Variants in FRYL observed in about 807,000 individuals in gnomAD.
FRYL encodes the protein protein furry homolog-like.
In FRYL, 150 loss-of-function variants were observed where a neutral mutation model predicts 351.2. The ratio of observed to expected loss-of-function variants is 0.43; its 90% CI spans 0.37 to 0.49. FRYL has a LOEUF of 0.49. Ranked by LOEUF, FRYL falls within the 20% of genes least tolerant of loss-of-function variation. FRYL has a pLI of 0.00. For synonymous variants in FRYL, 1,153 were observed against 1,257.1 expected (o/e 0.92, Z 1.75); for missense variants, 3,036 against 3,619.3 (o/e 0.84, Z 4.13).
chr4:48,567,179 C>A lies in FRYL; in HGVS notation c.3169+69G>T. 3 of 1,310,654 alleles carry A rather than the reference C, an allele frequency of 2.3e-6. No individual in the cohort carries two copies. Among genetic ancestry groups the A allele is most frequent in the Non-Finnish European group, 3.2e-6 (3 of 951,078 alleles). The allele number at this position is 1,310,654 out of a possible 1,614,324, so 81.2% of individuals were successfully genotyped here. On this transcript the variant is annotated intron_variant, in intron 28 of 63. Coordinates refer to ENST00000358350, the MANE Select transcript of FRYL (RefSeq NM_015030.2). The surrounding 1 kb of genome is among the most constrained non-coding windows in gnomAD (Gnocchi z 4.2). ...TACTTTATCAACTTAGATTATTAAA[C>A]CTCAAGGAAAGAAAAAATATGACGG...
rs1718982790 is a variant in FRYL, at chr4:48,499,013, G to A, written c.*409C>T. The A allele has an allele frequency of 5.4e-6, 1 of 186,540 alleles. No homozygotes were observed. Among genetic ancestry groups the A allele is most frequent in the Non-Finnish European group, 1.1e-5 (1 of 89,022 alleles). The allele number at this position is 186,540 out of a possible 1,614,324, so 11.6% of individuals were successfully genotyped here. A position where few individuals can be genotyped will look rare whatever the true frequency, so the allele number is the denominator to read the frequency against. ...AACTGCTAGAAATCCAAGCAGCTTT[G>A]CAGGTCTTCAGCTAAAATGAAACAG... On this transcript the variant is annotated 3_prime_UTR_variant, in exon 64 of 64. Transcript: ENST00000358350.
intron 16 of FRYL, among the ~76,000 whole-genome samples, chr4:48,592,116 T>TATATATATATATA (rs1553942046): frequency 1.2e-5 from 1 of 84,332 alleles, no homozygotes; most frequent in Non-Finnish European, 2.3e-5. Flanking sequence ...ATATATATAT[T>TATATATATATATA]TTATCTAAGT....
chr4:48,754,626 A>G (rs1209675921), intron 1 of FRYL, among the ~76,000 whole-genome samples: 1 of 148,908 alleles, frequency 6.7e-6, no homozygotes, highest in East Asian at 2.0e-4. Context: ...CAATTTCTCC[A>G]TATCTTCATT....
At chr4:48,707,268 C>A (rs999104531) in intron 2 of FRYL, among the ~76,000 whole-genome samples, 1 of 151,534 alleles carries the variant, frequency 6.6e-6, no homozygotes, top group Admixed American at 6.6e-5. Flanking sequence ...TGAGTATATA[C>A]CCAAGGAAAA....
chr4:48,582,596 G>C lies in FRYL; in HGVS notation c.1887C>G (p.Val629=), dbSNP rs752078196. The stretch of plus-strand genomic sequence containing the variant: ...CGGCATTATCAAGAAGTGTGGGATG[G>C]ACATCAGTCACTTCACGAACAATAA... The part of the protein sequence containing the change: ...VYFIVREVTD[V]HPTLLDNAVK... Residue 629 remains valine (V), a synonymous_variant, in exon 20 of 64, where the codon GTC becomes GTG. Coordinates refer to ENST00000358350, the MANE Select transcript of FRYL (RefSeq NM_015030.2). The C allele has an allele frequency of 1.9e-6, 3 of 1,613,602 alleles. No individual in the cohort carries two copies. The highest frequency in any genetic ancestry group is 2.5e-6 in the Non-Finnish European group (3 of 1,179,722).
At chr4:48,708,937 T>TTTTTTA (rs1268129988) in intron 2 of FRYL, among the ~76,000 whole-genome samples, 1 of 151,606 alleles carries the variant, frequency 6.6e-6, no homozygotes, top group Non-Finnish European at 1.5e-5. Context: ...TTGTTTTTTT[T>TTTTTTA]TTTGAGATGG....
chr4:48,693,845 G>A (rs551834882), intron 2 of FRYL, among the ~76,000 whole-genome samples: 1 of 152,258 alleles, frequency 6.6e-6, no homozygotes, highest in East Asian at 1.9e-4. Flanking sequence ...GCCTCTGTAT[G>A]TGCCCACATG....
chr4:48,603,241 A>C (rs760959368), intron 12 of FRYL, 49 bp downstream of exon 12: 29 of 1,183,832 alleles, frequency 2.4e-5, no homozygotes, highest in South Asian at 2.2e-4. Context: ...TAAATCAATT[A>C]CTAAAAATCC....
At chr4:48,573,154 T>G in intron 26 of FRYL, 32 bp downstream of exon 26, 1 of 1,531,572 alleles carries the variant, frequency 6.5e-7, no homozygotes, top group South Asian at 1.1e-5. Context: ...AAATGAATGT[T>G]CACTAATACA....
intron 20 of FRYL, among the ~76,000 whole-genome samples, chr4:48,582,069 G>T (rs1741064924): frequency 6.6e-6 from 1 of 152,144 alleles, no homozygotes; most frequent in South Asian, 2.1e-4. Flanking sequence ...AAGGTTCTAT[G>T]ATTTACACAT....
chr4:48,668,784 C>T (rs1456982644), intron 3 of FRYL, among the ~76,000 whole-genome samples: 3 of 152,202 alleles, frequency 2.0e-5, no homozygotes, highest in African/African-American at 7.2e-5. Context: ...TTCCACTCCC[C>T]TTGTAGATTC....
At chr4:48,769,942 C>G (rs1454443269) in intron 1 of FRYL, among the ~76,000 whole-genome samples, 1 of 152,126 alleles carries the variant, frequency 6.6e-6, no homozygotes, top group Non-Finnish European at 1.5e-5. Flanking sequence ...TTGAGCTTCA[C>G]GAGGGAGTTT....
intron 27 of FRYL, 111 bp downstream of exon 27, chr4:48,570,716 G>C (rs891183295): frequency 4.1e-6 from 3 of 724,698 alleles, no homozygotes; most frequent in Non-Finnish European, 7.2e-6. Flanking sequence ...GATACATACA[G>C]GTTTTCTTGT....
At chr4:48,661,551 T>C (rs1308509779) in intron 3 of FRYL, among the ~76,000 whole-genome samples, 1 of 152,204 alleles carries the variant, frequency 6.6e-6, no homozygotes, top group Non-Finnish European at 1.5e-5. Context: ...TAAGCACTCC[T>C]TAAAGTAGTT....
intron 35 of FRYL, among the ~76,000 whole-genome samples, chr4:48,554,037 AAC>A (rs1404522195): frequency 6.6e-6 from 1 of 152,244 alleles, no homozygotes; most frequent in Non-Finnish European, 1.5e-5. Flanking sequence ...AATGGCTAGT[AAC>A]ACAGTATAAG....
chr4:48,699,349 AAG>A (rs1412967680), intron 2 of FRYL, among the ~76,000 whole-genome samples: 2 of 152,332 alleles, frequency 1.3e-5, no homozygotes, highest in Non-Finnish European at 2.9e-5. Context: ...ATGAAAACAT[AAG>A]AGTTTGCCCT....
Position 48,523,115 on chromosome 4 carries a change from A to C in FRYL, c.7318-11T>G, listed in dbSNP as rs1313101786. 4 of 1,601,922 alleles carry C rather than the reference A, an allele frequency of 2.5e-6. No homozygotes were observed. In the East Asian group the frequency reaches 8.9e-5, roughly 36 times the overall value. On this transcript the variant is annotated splice_polypyrimidine_tract_variant and intron_variant, in intron 53 of 63. Coordinates refer to ENST00000358350, the MANE Select transcript of FRYL (RefSeq NM_015030.2). ...GTCCATACTTTCACCCTGGAAAAGCAAGACACGATTTCTAAAACCTCAAAT... is the reference window on the plus strand; with the variant it reads ...GTCCATACTTTCACCCTGGAAAAGCCAGACACGATTTCTAAAACCTCAAAT...
chr4:48,717,583 T>C (rs566706118), intron 1 of FRYL, among the ~76,000 whole-genome samples: 1 of 151,734 alleles, frequency 6.6e-6, no homozygotes, highest in South Asian at 2.1e-4. Flanking sequence ...CTCTGTCACC[T>C]AGGCTGGAGT....
In FRYL at chr4:48,540,705, A is replaced by G. The variant is rs1320648837; in HGVS notation, c.5943T>C (p.Ser1981=). ...SSLARTRSLS[S]LREKGMYDVQ... ...CGTCATACATTCCTTTCTCTCTTAGAGAGGAAAGGCTTCTAGTCCTTGCTA... is the reference window on the plus strand; with the variant it reads ...CGTCATACATTCCTTTCTCTCTTAGGGAGGAAAGGCTTCTAGTCCTTGCTA... Residue 1981 remains serine (S), a synonymous_variant, in exon 46 of 64, where the codon TCT becomes TCC. Coordinates refer to ENST00000358350, the MANE Select transcript of FRYL (RefSeq NM_015030.2). 54 of 1,614,060 alleles carry G rather than the reference A, an allele frequency of 3.3e-5. No individual in the cohort carries two copies. The highest frequency in any genetic ancestry group is 4.6e-5 in the Non-Finnish European group (54 of 1,179,938).
Sources: gnomAD v4.1 joint callset for allele counts (sites outside exome capture counted in the v4.1 genomes callset) on GRCh38, gnomAD v4.1.1 for gene constraint, Gnocchi (gnomAD v3.1) non-coding constraint, MANE v1.5 for transcripts, NCBI Gene and HGNC (gene_info 2026-07-23, HGNC 2026-07-21) for gene names.